The following FYB1 variants were observed in gnomAD, a reference collection of about 807,000 sequenced individuals.
The protein encoded by FYB1 is FYN binding protein 1.
Under a neutral mutation model 94.1 loss-of-function variants are expected in FYB1, and 41 were observed. The ratio of observed to expected loss-of-function variants is 0.44; its 90% CI spans 0.34 to 0.57. FYB1 has a LOEUF of 0.57. Among genes scored for constraint, FYB1 ranks in the 20% least tolerant of loss-of-function variants. The pLI is 0.02. For missense variants in FYB1, 1,050 were observed against 976.8 expected (o/e 1.07, Z -1.00); for synonymous variants, 367 against 353.2 (o/e 1.04, Z -0.44).
chr5:39,146,928 T>C (rs1221091317), intron 3 of FYB1, among the ~76,000 whole-genome samples: 1 of 152,066 alleles, frequency 6.6e-6, no homozygotes, highest in Non-Finnish European at 1.5e-5. Flanking sequence ...TAGGTGCAGG[T>C]GCCATGAGTA....
chr5:39,207,525 A>C (rs890633918), intron 1 of FYB1, among the ~76,000 whole-genome samples: 1 of 152,254 alleles, frequency 6.6e-6, no homozygotes, highest in African/African-American at 2.4e-5. Flanking sequence ...GCATAAAAGT[A>C]ATGAACCAAG....
intron 4 of FYB1, 67 bp from the exon 5 acceptor site, chr5:39,139,319 G>T: frequency 1.6e-6 from 2 of 1,226,818 alleles, no homozygotes; most frequent in South Asian, 1.5e-5. Context: ...TAAGATTATT[G>T]GATATGATAT....
At chr5:39,190,697 A>C (rs1017957018) in intron 2 of FYB1, among the ~76,000 whole-genome samples, 9 of 152,162 alleles carry the variant, frequency 5.9e-5, no homozygotes, top group African/African-American at 1.9e-4. Context: ...ATGCATTCTA[A>C]AGGCTTGCCT....
At chr5:39,266,942 T>C (rs1266910875) in intron 1 of FYB1, among the ~76,000 whole-genome samples, 2 of 152,150 alleles carry the variant, frequency 1.3e-5, no homozygotes, top group Non-Finnish European at 2.9e-5. Context: ...CTTGTCTTCC[T>C]AGGTATCTAC....
At chr5:39,107,790 A>G (rs1335266113) in intron 18 of FYB1, among the ~76,000 whole-genome samples, 1 of 152,040 alleles carries the variant, frequency 6.6e-6, no homozygotes, top group Admixed American at 6.6e-5. Flanking sequence ...CATAAGTTTA[A>G]AAGACTAAAG....
At chr5:39,129,848 A>C (rs1741024636) in intron 10 of FYB1, among the ~76,000 whole-genome samples, 1 of 152,084 alleles carries the variant, frequency 6.6e-6, no homozygotes, top group South Asian at 2.1e-4. Context: ...GTCATTATGG[A>C]GATTTTTCAA....
chr5:39,141,251 G>T (rs1050561774), intron 3 of FYB1, 110 bp from the exon 4 acceptor site: 4 of 786,642 alleles, frequency 5.1e-6, no homozygotes, highest in African/African-American at 3.5e-5. Context: ...TTGAACCTTT[G>T]CTCTGATTTA....
At chr5:39,214,449 T>C (rs1749683408) in intron 1 of FYB1, among the ~76,000 whole-genome samples, 1 of 152,236 alleles carries the variant, frequency 6.6e-6, no homozygotes, top group Non-Finnish European at 1.5e-5. Flanking sequence ...CCCATGTTTA[T>C]AGTAGCATAA....
At chr5:39,258,223 AC>A (rs1281884010) in intron 1 of FYB1, among the ~76,000 whole-genome samples, 2 of 152,254 alleles carry the variant, frequency 1.3e-5, no homozygotes, top group East Asian at 3.9e-4. Context: ...TGTCTCATCT[AC>A]CCTGATGCTG....
intron 13 of FYB1, 119 bp from the exon 14 acceptor site, chr5:39,122,521 T>C (rs1384722577): frequency 3.3e-6 from 2 of 612,470 alleles, no homozygotes; most frequent in East Asian, 3.1e-5. Context: ...GTTGTCCTAG[T>C]GTCTCGGTAA....
chr5:39,190,844 G>A (rs1425406391), intron 2 of FYB1, among the ~76,000 whole-genome samples: 1 of 150,984 alleles, frequency 6.6e-6, no homozygotes, highest in Non-Finnish European at 1.5e-5. Context: ...CTGGTTTCTA[G>A]ATGAACCAGA....
chr5:39,152,344 A>G (rs1193781289), intron 3 of FYB1, among the ~76,000 whole-genome samples: 1 of 152,194 alleles, frequency 6.6e-6, no homozygotes, highest in African/African-American at 2.4e-5. Flanking sequence ...CCTAAATTGT[A>G]GTCATCAAGC....
intron 1 of FYB1, among the ~76,000 whole-genome samples, chr5:39,257,171 A>T (rs567670610): frequency 6.6e-6 from 1 of 152,374 alleles, no homozygotes; most frequent in South Asian, 2.1e-4. Context: ...AGTATAGAAT[A>T]TTCTGAACTC....
intron 1 of FYB1, among the ~76,000 whole-genome samples, chr5:39,252,891 G>T (rs1055181424): frequency 6.6e-6 from 1 of 152,224 alleles, no homozygotes; most frequent in Non-Finnish European, 1.5e-5. Context: ...AGAATTCAAT[G>T]ATTTGACATT....
chr5:39,245,498 C>T (rs1751432193), intron 1 of FYB1, among the ~76,000 whole-genome samples: 1 of 151,956 alleles, frequency 6.6e-6, no homozygotes, highest in Non-Finnish European at 1.5e-5. Flanking sequence ...CCTGACAGTC[C>T]CTGAGATTGA....
rs1391221533 is a variant in FYB1, at chr5:39,156,860, A to T, written c.1136-3256T>A. Among the ~76,000 whole-genome samples the T allele has an allele frequency of 2.0e-5, 3 of 152,338 alleles. No homozygotes were observed. In the East Asian group the frequency reaches 5.8e-4, roughly 29 times the overall value. ...TAGAAATATTAACATCCTCAAAAGCAAAAATATGTTTTTATTCTGATGGAA... is the reference window on the plus strand; with the variant it reads ...TAGAAATATTAACATCCTCAAAAGCTAAAATATGTTTTTATTCTGATGGAA... On this transcript the variant is annotated intron_variant, in intron 2 of 18. Transcript: ENST00000512982.
intron 1 of FYB1, among the ~76,000 whole-genome samples, chr5:39,244,804 G>T (rs1751393677): frequency 6.6e-6 from 1 of 152,120 alleles, no homozygotes; most frequent in African/African-American, 2.4e-5. Flanking sequence ...ATTAATTATT[G>T]CCTCAATTTC....
At chr5:39,256,751 T>A (rs1399172857) in intron 1 of FYB1, among the ~76,000 whole-genome samples, 1 of 152,218 alleles carries the variant, frequency 6.6e-6, no homozygotes, top group Non-Finnish European at 1.5e-5. Flanking sequence ...TTGTGTTGGG[T>A]GGCTATGTTC....
chr5:39,217,768 A>T (rs923748583), intron 1 of FYB1, among the ~76,000 whole-genome samples: 1 of 152,018 alleles, frequency 6.6e-6, no homozygotes, highest in Non-Finnish European at 1.5e-5. Context: ...CACTCTCTTC[A>T]CTTTCTTGTT....
Sources: gnomAD v4.1 joint callset for allele counts (sites outside exome capture counted in the v4.1 genomes callset) on GRCh38, gnomAD v4.1.1 for gene constraint, MANE v1.5 for transcripts, NCBI Gene and HGNC (gene_info 2026-07-23, HGNC 2026-07-21) for gene names.